THUMPD3: variants seen among roughly 807,000 people sequenced by gnomAD.
THUMPD3 encodes the protein THUMP domain 3 tRNA guanosine methyltransferase.
Under a neutral mutation model 54.5 loss-of-function variants are expected in THUMPD3, and 44 were observed. The ratio of observed to expected loss-of-function variants is 0.81; its 90% CI spans 0.63 to 1.04. The LOEUF is 1.04. Ranked by LOEUF, THUMPD3 falls within the 50% of genes least tolerant of loss-of-function variation. The probability of loss-of-function intolerance (pLI) is 0.00; values close to 1 mark genes in which losing one functional copy is unlikely to be tolerated. For synonymous variants in THUMPD3, 196 were observed against 201.4 expected, an observed-to-expected ratio of 0.97 and a Z score of 0.23; for missense variants, 604 against 601.3, an observed-to-expected ratio of 1.00 and a Z score of -0.05.
At position 9,367,393 on chromosome 3, in the gene THUMPD3, T is replaced by C. The variant is rs7632975; in HGVS notation, c.330+408T>C. Among the ~76,000 whole-genome samples the C allele has an allele frequency of 3.2e-3, 493 of 152,328 alleles. 2 individuals carry two copies. The highest frequency in any genetic ancestry group is 0.011 in the African/African-American group (476 of 41,562). On this transcript the variant is annotated intron_variant, in intron 3 of 9. Transcript: ENST00000452837. ...TGCTTTCTTCTCTTTCTTCATTTTT[T>C]GAAATAAAGCCAAAATAACATCTAA...
chr3:9,369,936 G>A lies in THUMPD3; in HGVS notation c.331-1124G>A, dbSNP rs528851818. Among the ~76,000 whole-genome samples the A allele has an allele frequency of 2.0e-5, 3 of 152,090 alleles. No individual in the cohort carries two copies. The South Asian group carries it at 6.2e-4, about 32-fold the overall frequency. ...TTCTAATAGTTTGGAAGGTTTATGT[G>A]TGTGTGTTCTAGCTGTTACCTTTAT... On this transcript the variant is annotated intron_variant, in intron 3 of 9. Coordinates refer to ENST00000452837, the MANE Select transcript of THUMPD3 (RefSeq NM_001114092.2).
At chr3:9,368,225 G>A (rs1006170871) in intron 3 of THUMPD3, among the ~76,000 whole-genome samples, 1 of 151,924 alleles carries the variant, frequency 6.6e-6, no homozygotes, top group Non-Finnish European at 1.5e-5. Context: ...ATTGAGATGG[G>A]GTCTCACTAT....
chr3:9,365,325 G>C lies in THUMPD3; in HGVS notation c.252+5G>C. ...TCAGTGGAAAGTCTGGCACAGGTTT[G>C]AATGGAGCAATATTTAAAATAGTTT... On this transcript the variant is annotated splice_donor_5th_base_variant and intron_variant, in intron 2 of 9. Transcript: ENST00000452837. 1 of 1,613,986 alleles carries C rather than the reference G, an allele frequency of 6.2e-7. No homozygotes were observed. The highest frequency in any genetic ancestry group is 8.5e-7 in the Non-Finnish European group (1 of 1,179,920).
Position 9,385,427 on chromosome 3 carries a change from C to A in THUMPD3, c.*739C>A, listed in dbSNP as rs2033265140. ...ATCCAGTTGCTCAAGTTCTTTACCT[C>A]AACCTGAAGGAATGAAGCATTATTA... is the stretch of plus-strand genomic sequence containing the variant. On this transcript the variant is annotated 3_prime_UTR_variant, in exon 10 of 10. Coordinates refer to ENST00000452837, the MANE Select transcript of THUMPD3 (RefSeq NM_001114092.2). 1 of 152,212 alleles carries A rather than the reference C, an allele frequency of 6.6e-6. No individual in the cohort carries two copies. Among genetic ancestry groups the A allele is most frequent in the South Asian group, 2.1e-4 (1 of 4,828 alleles). 9.4% of individuals were successfully genotyped at this position (152,212 alleles called of 1,614,324 possible).
chr3:9,371,030 T>C (rs375031756), intron 3 of THUMPD3, 30 bp from the exon 4 acceptor site: 8 of 1,470,374 alleles, frequency 5.4e-6, no homozygotes, highest in East Asian at 2.3e-5. Context: ...TGGTGAGAAA[T>C]GAATGAATTT....
At chr3:9,378,946 C>T (rs934031905) in intron 6 of THUMPD3, among the ~76,000 whole-genome samples, 2 of 151,876 alleles carry the variant, frequency 1.3e-5, no homozygotes, top group Non-Finnish European at 2.9e-5. Context: ...CAACAGAGCT[C>T]CGAGTAAAAA....
chr3:9,384,586 T>A lies in THUMPD3; in HGVS notation c.1422T>A (p.Gly474=). 1 of 1,614,174 alleles carries A rather than the reference T, an allele frequency of 6.2e-7. No homozygotes were observed. ...ATACAGTCTGGGTGAACGTTGGTGG[T>A]CTTCGTGCTGCAGTTTACGTTCTGA... is the stretch of plus-strand genomic sequence containing the variant. ...KVDTVWVNVG[G]LRAAVYVLIR... is the part of the protein sequence containing the mutation. The change falls in exon 10 of 10, where the codon GGT becomes GGA. Residue 474 remains glycine (G), a synonymous_variant. Coordinates refer to ENST00000452837, the MANE Select transcript of THUMPD3 (RefSeq NM_001114092.2).
At chr3:9,371,795 G>T (rs2032059698) in intron 4 of THUMPD3, among the ~76,000 whole-genome samples, 1 of 152,214 alleles carries the variant, frequency 6.6e-6, no homozygotes, top group Non-Finnish European at 1.5e-5. Flanking sequence ...AAGGATAAAT[G>T]AGGTACATTT....
At chr3:9,374,709 A>G (rs2032326441) in intron 5 of THUMPD3, 63 bp downstream of exon 5, 2 of 1,579,960 alleles carry the variant, frequency 1.3e-6, no homozygotes, top group Non-Finnish European at 1.7e-6. Flanking sequence ...TCCCTTCAAA[A>G]TACTGATTTG....
intron 6 of THUMPD3, 95 bp from the exon 7 acceptor site, chr3:9,380,408 C>G: frequency 2.4e-6 from 2 of 820,558 alleles, no homozygotes; most frequent in South Asian, 3.3e-5. Flanking sequence ...TGTTTTGCCA[C>G]TCTAGAAAAG....
chr3:9,378,478 A>T (rs983854023), intron 6 of THUMPD3, among the ~76,000 whole-genome samples: 3 of 152,242 alleles, frequency 2.0e-5, no homozygotes, highest in Admixed American at 2.0e-4. Context: ...TTGAATAATC[A>T]GTATCATCTA....
intron 5 of THUMPD3, among the ~76,000 whole-genome samples, chr3:9,375,089 T>G (rs866342899): frequency 2.6e-5 from 4 of 152,260 alleles, no homozygotes; most frequent in Admixed American, 6.5e-5. Context: ...ATACCTGACC[T>G]CAGGTGATCC....
Position 9,371,403 on chromosome 3 carries a change from T to C in THUMPD3, c.674T>C (p.Leu225Pro). Reference sequence around the variant, plus strand: ...AAAGAAGAAACTGAGCCTCAAGTGCTGAAGTTTAGAGTCACATGCAACAGG... The same window carrying C: ...AAAGAAGAAACTGAGCCTCAAGTGCCGAAGTTTAGAGTCACATGCAACAGG... ...SSKEETEPQV[L>P]KFRVTCNRAG... is the part of the protein sequence containing the mutation. Residue 225 changes from leucine to proline, a missense_variant, in exon 4 of 10, where the codon CTG becomes CCG. Physicochemically the swap from Leu to Pro is moderately conservative, Grantham distance 98 (BLOSUM62 -3). Transcript: ENST00000452837. 1 of 1,614,166 alleles carries C rather than the reference T, an allele frequency of 6.2e-7. No individual in the cohort carries two copies.
At position 9,384,258 on chromosome 3, in the gene THUMPD3, CG is replaced by C. The variant is rs765065620; in HGVS notation, c.1285del (p.Glu429ArgfsTer2). 9 of 1,613,998 alleles carry C rather than the reference CG, an allele frequency of 5.6e-6. No homozygotes were observed. The highest frequency in any genetic ancestry group is 1.3e-5 in the African/African-American group (1 of 74,912). ...CTGGAACCTTTATCCAGCTTGCCTA[CG>C]GGAGATGAGCCGTGTCTGCACACCT... ...RNWNLYPACL[R>X]EMSRVCTPTT... is the part of the protein sequence containing the mutation. On this transcript the variant is annotated frameshift_variant, in exon 9 of 10. Coordinates refer to ENST00000452837, the MANE Select transcript of THUMPD3 (RefSeq NM_001114092.2). LOFTEE classifies it high-confidence loss of function.
rs771845779 is a variant in THUMPD3, at chr3:9,384,777, T to A, written c.*89T>A. The stretch of plus-strand genomic sequence containing the variant: ...GAAAAAAGTATTAACAAAACTGCAG[T>A]CTGCACTCTTTAAACCTGTTTAAGG... On this transcript the variant is annotated 3_prime_UTR_variant, in exon 10 of 10. Transcript: ENST00000452837. The A allele has an allele frequency of 3.6e-5, 52 of 1,454,228 alleles. No homozygotes were observed. The highest frequency in any genetic ancestry group is 7.1e-5 in the Admixed American group (4 of 55,960). 90.1% of individuals were successfully genotyped at this position (1,454,228 alleles called of 1,614,324 possible). A position where few individuals can be genotyped will look rare whatever the true frequency, so the allele number is the denominator to read the frequency against.
rs768825828 is a variant in THUMPD3 at position 9,366,891 on chromosome 3, CT to C, written c.253-8del. 153 of 1,571,926 alleles carry C rather than the reference CT, an allele frequency of 9.7e-5. No homozygotes were observed. The highest frequency in any genetic ancestry group is 3.1e-4 in the Admixed American group (17 of 55,218). ...CAAAAGCTTTCTCAGAAATGTGTTT[CT>C]TTTTTTTTCACCCAGGTTCATTGTC... On this transcript the variant is annotated splice_polypyrimidine_tract_variant and intron_variant, in intron 2 of 9. Transcript: ENST00000452837.
intron 3 of THUMPD3, among the ~76,000 whole-genome samples, chr3:9,367,442 A>G (rs548929216): frequency 2.7e-4 from 41 of 152,340 alleles, no homozygotes; most frequent in African/African-American, 9.4e-4. Flanking sequence ...TGTTAGGACA[A>G]CAGCTTTGTC....
rs780597924 is a variant in THUMPD3 at position 9,384,585 on chromosome 3, G to A, written c.1421G>A (p.Gly474Asp). 1.4e-5 allele frequency: 23 copies of A among 1,614,154 alleles called. No individual in the cohort carries two copies. The highest frequency in any genetic ancestry group is 5.0e-5 in the Admixed American group (3 of 60,022). Reference sequence around the variant, plus strand: ...GATACAGTCTGGGTGAACGTTGGTGGTCTTCGTGCTGCAGTTTACGTTCTG... The same window carrying A: ...GATACAGTCTGGGTGAACGTTGGTGATCTTCGTGCTGCAGTTTACGTTCTG... Reference protein sequence around the residue: ...KVDTVWVNVGGLRAAVYVLIR... With the variant: ...KVDTVWVNVGDLRAAVYVLIR... The change falls in exon 10 of 10, where the codon GGT becomes GAT. Residue 474 changes from glycine to aspartate, a missense_variant. Physicochemically the swap from Gly to Asp is moderately conservative, Grantham distance 94. Transcript: ENST00000452837.
At chr3:9,364,795 C>T (rs2031371840) in intron 1 of THUMPD3, among the ~76,000 whole-genome samples, 1 of 152,214 alleles carries the variant, frequency 6.6e-6, no homozygotes, top group South Asian at 2.1e-4. Flanking sequence ...GGAAATACTT[C>T]TTGTCTCTTT....
Sources: gnomAD v4.1 joint callset for allele counts (sites outside exome capture counted in the v4.1 genomes callset) on GRCh38, gnomAD v4.1.1 for gene constraint, MANE v1.5 for transcripts, NCBI Gene and HGNC (gene_info 2026-07-23, HGNC 2026-07-21) for gene names.